The following PLEKHA8 variants were observed in gnomAD, a reference collection of about 807,000 sequenced individuals.
The protein encoded by PLEKHA8 is pleckstrin homology domain containing A8.
A neutral mutation model predicts 68.2 loss-of-function variants in PLEKHA8; 36 were observed. That is an observed-to-expected ratio of 0.53 (90% CI 0.40 to 0.70). The LOEUF (loss-of-function observed/expected upper bound fraction) is 0.70, where lower values mean the gene tolerates loss of function less well. PLEKHA8 is among the 30% of genes least tolerant of loss of function. The pLI is 0.00. For synonymous variants in PLEKHA8, 211 were observed against 216.1 expected (o/e 0.98, Z 0.20); for missense variants, 505 against 615.4 (o/e 0.82, Z 1.90).
intron 10 of PLEKHA8, 86 bp downstream of exon 10, chr7:30,061,028 A>G (rs1793392319): frequency 7.7e-7 from 1 of 1,290,902 alleles, no homozygotes; most frequent in Non-Finnish European, 1.1e-6. Context: ...AATAAATCAA[A>G]AAGTGAAAAA....
chr7:30,081,176 A>G lies in PLEKHA8; in HGVS notation c.*2389A>G. 1 of 985,432 alleles carries G rather than the reference A, an allele frequency of 1.0e-6. No individual in the cohort carries two copies. Among genetic ancestry groups the G allele is most frequent in the Non-Finnish European group, 1.2e-6 (1 of 829,926 alleles). 61.0% of individuals were successfully genotyped at this position (985,432 alleles called of 1,614,324 possible). The stretch of plus-strand genomic sequence containing the variant: ...TATTATCTGAGATCATTGAGAACCC[A>G]GATCAGACAGAATAGCTTGAATAAG... On this transcript the variant is annotated 3_prime_UTR_variant, in exon 14 of 14. Transcript: ENST00000449726.
In PLEKHA8 at chr7:30,074,144, T is replaced by G; in HGVS notation, c.1362+12T>G. The G allele has an allele frequency of 6.2e-7, 1 of 1,610,030 alleles. No homozygotes were observed. The highest frequency in any genetic ancestry group is 1.1e-5 in the South Asian group (1 of 90,998). On this transcript the variant is annotated intron_variant, in intron 13 of 13. Transcript: ENST00000449726. ...GAGGGGTTTTTGCGGTAAGTGATCC[T>G]TCTTGTCTCCTATTATTAACTGTAT...
rs1294120734 is a variant in PLEKHA8, at chr7:30,074,270, G to GTGTGTA, written c.1362+141_1362+142insGTATGT. The GTGTGTA allele has an allele frequency of 5.7e-5, 37 of 647,530 alleles. No homozygotes were observed. The African/African-American group carries it at 5.8e-4, about 10-fold the overall frequency. The allele number at this position is 647,530 out of a possible 1,614,324, so 40.1% of individuals were successfully genotyped here. A position where few individuals can be genotyped will look rare whatever the true frequency, so the allele number is the denominator to read the frequency against. ...GTTGTGTGTGTGTGTGTGTGTGTGT[G>GTGTGTA]TGTATGTGTGGTGTTTTTGTTTGCT... On this transcript the variant is annotated intron_variant, in intron 13 of 13. Transcript: ENST00000449726.
At chr7:30,128,138 G>A (rs967099908) in intron 13 of PLEKHA8, among the ~76,000 whole-genome samples, 1 of 140,456 alleles carries the variant, frequency 7.1e-6, no homozygotes, top group Admixed American at 7.4e-5. Context: ...ACAAGGTCTT[G>A]CTCTGTCACC....
intron 9 of PLEKHA8, among the ~76,000 whole-genome samples, chr7:30,058,434 A>AT (rs1793164279): frequency 7.4e-6 from 1 of 134,230 alleles, no homozygotes; most frequent in Non-Finnish European, 1.6e-5. Context: ...CACTGGAATT[A>AT]TTTTTTGTGT....
At chr7:30,086,212 C>A (rs1164423110), downstream of PLEKHA8, among the ~76,000 whole-genome samples, 1 of 152,206 alleles carries the variant, frequency 6.6e-6, no homozygotes, top group Non-Finnish European at 1.5e-5. Context: ...AAAGGAAGTG[C>A]CTTTCAGACC....
Position 30,082,988 on chromosome 7 carries a change from G to T in PLEKHA8, c.*4201G>T. ...CCAGTTGCTTCTGATTTTAGTCACAGGTTTTACAAGTATTCAGCTCTCCCT... is the reference window on the plus strand; with the variant it reads ...CCAGTTGCTTCTGATTTTAGTCACATGTTTTACAAGTATTCAGCTCTCCCT... On this transcript the variant is annotated 3_prime_UTR_variant, in exon 14 of 14. Coordinates refer to ENST00000449726, the MANE Select transcript of PLEKHA8 (RefSeq NM_001197026.2). 2 of 985,206 alleles carry T rather than the reference G, an allele frequency of 2.0e-6. No homozygotes were observed. Among genetic ancestry groups the T allele is most frequent in the Non-Finnish European group, 2.4e-6 (2 of 829,872 alleles). 61.0% of individuals were successfully genotyped at this position (985,206 alleles called of 1,614,324 possible). A position where few individuals can be genotyped will look rare whatever the true frequency, so the allele number is the denominator to read the frequency against.
intron 9 of PLEKHA8, among the ~76,000 whole-genome samples, chr7:30,056,331 TAA>T (rs1562870097): frequency 0.023 from 2,967 of 127,106 alleles, 40 homozygotes; most frequent in Middle Eastern, 0.047. Context: ...TATATATATA[TAA>T]ATAACATATA....
Position 30,125,704 on chromosome 7 carries a change from C to G in PLEKHA8, c.1363-3562C>G, listed in dbSNP as rs1287310294. 7.9e-5 allele frequency among the ~76,000 whole-genome samples: 12 copies of G among 152,276 alleles called. No individual in the cohort carries two copies. In the South Asian group the frequency reaches 2.5e-3, roughly 32 times the overall value. On this transcript the variant is annotated intron_variant, in intron 13 of 13. Coordinates refer to the PLEKHA8 transcript ENST00000396257. ...TAATTTGAATTTACTATCTCCTAAG[C>G]TAGTTGTTTTCAACTATGGAGTTTT...
chr7:30,114,790 T>C (rs1276614202), intron 13 of PLEKHA8, among the ~76,000 whole-genome samples: 2 of 152,184 alleles, frequency 1.3e-5, no homozygotes, highest in African/African-American at 4.8e-5. Context: ...GATCACCAGA[T>C]GTGGAACTCT....
chr7:30,065,452 G>A (rs1487161080), intron 12 of PLEKHA8, among the ~76,000 whole-genome samples: 1 of 122,060 alleles, frequency 8.2e-6, no homozygotes, highest in Non-Finnish European at 1.6e-5. Flanking sequence ...GACACAACAA[G>A]CTCTGCGTAA....
chr7:30,039,000 G>C (rs1583777566), intron 1 of PLEKHA8, among the ~76,000 whole-genome samples: 1 of 139,120 alleles, frequency 7.2e-6, no homozygotes, highest in African/African-American at 2.9e-5. Context: ...AGAAAATTAT[G>C]CTCATTGAAA....
At chr7:30,067,938 C>T (rs1035292048) in intron 12 of PLEKHA8, among the ~76,000 whole-genome samples, 2 of 152,244 alleles carry the variant, frequency 1.3e-5, no homozygotes, top group Non-Finnish European at 2.9e-5. Flanking sequence ...GTACACGTTC[C>T]TTTCACACAT....
At chr7:30,045,430 A>G (rs1583794863) in intron 2 of PLEKHA8, among the ~76,000 whole-genome samples, 2 of 152,308 alleles carry the variant, frequency 1.3e-5, no homozygotes, top group East Asian at 3.8e-4. Flanking sequence ...AACGTGTTTC[A>G]CTACTCAACT....
chr7:30,062,234 AAGAT>A (rs752780675), intron 11 of PLEKHA8, among the ~76,000 whole-genome samples: 11 of 152,150 alleles, frequency 7.2e-5, no homozygotes, highest in Non-Finnish European at 1.6e-4. Flanking sequence ...AAGTATATAT[AAGAT>A]AGGAATCTTA....
chr7:30,083,410 C>T lies in PLEKHA8; in HGVS notation c.*4623C>T. 1 of 984,828 alleles carries T rather than the reference C, an allele frequency of 1.0e-6. No individual in the cohort carries two copies. The highest frequency in any genetic ancestry group is 1.2e-6 in the Non-Finnish European group (1 of 829,444). 61.0% of individuals were successfully genotyped at this position (984,828 alleles called of 1,614,324 possible). On this transcript the variant is annotated 3_prime_UTR_variant, in exon 14 of 14. Transcript: ENST00000449726. Reference sequence around the variant, plus strand: ...GTCATTAGGAGTTCTTTCAACAATTCCATAAATATACTGTTTACTAGACCT... The same window carrying T: ...GTCATTAGGAGTTCTTTCAACAATTTCATAAATATACTGTTTACTAGACCT...
intron 13 of PLEKHA8, among the ~76,000 whole-genome samples, chr7:30,098,486 TC>T (rs1311952694): frequency 1.3e-5 from 2 of 152,242 alleles, no homozygotes; most frequent in African/African-American, 2.4e-5. Flanking sequence ...AGTTCGAGCT[TC>T]CCGGCTGCTT....
intron 13 of PLEKHA8, among the ~76,000 whole-genome samples, chr7:30,117,606 A>G (rs1250631298): frequency 6.6e-6 from 1 of 152,060 alleles, no homozygotes; most frequent in African/African-American, 2.4e-5. Context: ...CAGGAGGCTG[A>G]GGCGAGAGGG....
intron 3 of PLEKHA8, 103 bp from the exon 4 acceptor site, chr7:30,047,729 G>A (rs1792065201): frequency 4.9e-6 from 6 of 1,218,954 alleles, no homozygotes; most frequent in Non-Finnish European, 5.6e-6. Context: ...CATATGTTCT[G>A]TGTGGTATCC....
Sources: allele counts gnomAD v4.1 joint callset (sites outside exome capture counted in the v4.1 genomes callset), GRCh38; gene constraint gnomAD v4.1.1; transcripts MANE v1.5; gene names NCBI Gene and HGNC (gene_info 2026-07-23, HGNC 2026-07-21).